PPA1: variants seen among roughly 807,000 people sequenced by gnomAD.
PPA1 encodes the protein inorganic pyrophosphatase 1, also known as inorganic pyrophosphatase.
Under a neutral mutation model 41.8 loss-of-function variants are expected in PPA1, and 23 were observed. That is an observed-to-expected ratio of 0.55 (90% CI 0.40 to 0.78). The LOEUF (loss-of-function observed/expected upper bound fraction) is 0.78. Ranked by LOEUF, PPA1 falls within the 30% of genes least tolerant of loss-of-function variation. The pLI, the probability that PPA1 is intolerant of heterozygous loss-of-function variation, is 0.00. For missense variants in PPA1, 320 were observed against 361.6 expected (o/e 0.89, Z 0.93); for synonymous variants, 101 against 116.8 (o/e 0.86, Z 0.87).
intron 10 of PPA1, 140 bp downstream of exon 10, chr10:70,204,733 A>G (rs1564579632): frequency 1.6e-6 from 1 of 624,826 alleles, no homozygotes; most frequent in Non-Finnish European, 2.6e-6. Flanking sequence ...TAATCATTCC[A>G]CATTGTAAAC....
At chr10:70,227,650 CAAAAAAA>C (rs11382289) in intron 2 of PPA1, among the ~76,000 whole-genome samples, 1 of 75,138 alleles carries the variant, frequency 1.3e-5, no homozygotes, top group Non-Finnish European at 2.4e-5. Flanking sequence ...AACCCTATCT[CAAAAAAA>C]AAAAAAAAAA....
chr10:70,218,389 T>C, intron 3 of PPA1: 1 of 195,784 alleles, frequency 5.1e-6, no homozygotes. Context: ...AAAAAGGCAA[T>C]GATGGTAGGT....
chr10:70,205,071 T>A lies in PPA1; in HGVS notation c.796-156A>T, dbSNP rs557707468. On this transcript the variant is annotated intron_variant, in intron 9 of 10. Transcript: ENST00000373232. ...TATAGGAACAATAGAAGGTTTGCTCTACTGCTGAGATGCTAACAAATTCAA... is the reference window on the plus strand; with the variant it reads ...TATAGGAACAATAGAAGGTTTGCTCAACTGCTGAGATGCTAACAAATTCAA... The A allele has an allele frequency of 3.6e-5, 21 of 585,418 alleles. No homozygotes were observed. In the East Asian group the frequency reaches 6.3e-4, roughly 17 times the overall value. 36.3% of individuals were successfully genotyped at this position (585,418 alleles called of 1,614,324 possible).
At chr10:70,211,458 A>G (rs1422637364) in intron 6 of PPA1, among the ~76,000 whole-genome samples, 1 of 152,166 alleles carries the variant, frequency 6.6e-6, no homozygotes, top group Admixed American at 6.5e-5. Context: ...AGGGGTTTCT[A>G]CAATCCTCTC....
Position 70,214,583 on chromosome 10 carries a change from A to C in PPA1, c.301T>G (p.Trp101Gly). 2 of 1,611,224 alleles carry C rather than the reference A, an allele frequency of 1.2e-6. No homozygotes were observed. Among genetic ancestry groups the C allele is most frequent in the Non-Finnish European group, 1.7e-6 (2 of 1,177,484 alleles). The stretch of plus-strand genomic sequence containing the variant: ...TTATCATTGTGCCCTGGGTCTTCCC[A>C]AGTCTAAAAATATAAGACAGTGTAT... ...IWNYGAIPQT[W>G]EDPGHNDKHT... Residue 101 changes from tryptophan to glycine, a missense_variant, in exon 5 of 11, where the codon TGG becomes GGG. Trp to Gly is a radical substitution (Grantham distance 184, BLOSUM62 -2). Coordinates refer to ENST00000373232, the MANE Select transcript of PPA1 (RefSeq NM_021129.4).
chr10:70,214,555 T>C lies in PPA1; in HGVS notation c.329A>G (p.His110Arg), dbSNP rs1387806209. Residue 110 changes from histidine (H) to arginine (R), a missense_variant, in exon 5 of 11, where the codon CAT (histidine) becomes CGT (arginine). Coordinates refer to ENST00000373232, the MANE Select transcript of PPA1 (RefSeq NM_021129.4). ...TWEDPGHNDK[H>R]TGCCGDNDPI... ...GTCATTGTCACCACAACAGCCAGTA[T>C]GTTTATCATTGTGCCCTGGGTCTTC... 3.1e-6 allele frequency: 5 copies of C among 1,613,686 alleles called. No homozygotes were observed. The highest frequency in any genetic ancestry group is 1.3e-5 in the African/African-American group (1 of 74,926).
At chr10:70,206,873 AGG>A (rs1430032822) in intron 8 of PPA1, among the ~76,000 whole-genome samples, 26 of 7,862 alleles carry the variant, frequency 3.3e-3, no homozygotes, top group East Asian at 0.015. Context: ...AGAGGAGGGG[AGG>A]GGAGGGGAGG....
At chr10:70,213,628 A>T in intron 5 of PPA1, 39 bp from the exon 6 acceptor site, 1 of 1,604,252 alleles carries the variant, frequency 6.2e-7, no homozygotes, top group South Asian at 1.1e-5. Context: ...ACATTACAGA[A>T]CCACACTCTA....
intron 4 of PPA1, among the ~76,000 whole-genome samples, chr10:70,215,260 TTTTC>T (rs369388839): frequency 8.5e-4 from 129 of 152,212 alleles, no homozygotes; most frequent in African/African-American, 2.0e-3. Flanking sequence ...GTTTTTTTCT[TTTTC>T]TTTTTTGTAG....
rs77729015 is a variant in PPA1, at chr10:70,206,865, AGGAGGGGAGGGGAGG to A, written c.726-547_726-533del. Among the ~76,000 whole-genome samples the A allele has an allele frequency of 8.1e-4, 7 of 8,642 alleles. No homozygotes were observed. In the East Asian group the frequency reaches 0.021, roughly 26 times the overall value. The allele number at this position is 8,642 out of a possible 152,430, so 5.7% of individuals were successfully genotyped here. ...TGCAATAAGGAGGAGAGGAGAGGAGAGGAGGGGAGGGGAGGGGAGGGGAGGGGAGGGGAGGAGAGG... is the reference window on the plus strand; with the variant it reads ...TGCAATAAGGAGGAGAGGAGAGGAGAGGAGGGGAGGGGAGGGGAGGAGAGG... On this transcript the variant is annotated intron_variant, in intron 8 of 10. Transcript: ENST00000373232.
intron 4 of PPA1, among the ~76,000 whole-genome samples, chr10:70,216,566 A>G (rs1840084493): frequency 6.6e-6 from 1 of 152,196 alleles, no homozygotes; most frequent in African/African-American, 2.4e-5. Flanking sequence ...GTGCTTACCT[A>G]ACAAGCTAGA....
chr10:70,217,699 A>T (rs1182919569), intron 4 of PPA1, 113 bp downstream of exon 4: 2 of 938,628 alleles, frequency 2.1e-6, no homozygotes, highest in Non-Finnish European at 2.9e-6. Flanking sequence ...ATGTTTTCAA[A>T]ATCTACCATA....
Position 70,233,416 on chromosome 10 carries a change from A to G in PPA1, c.-89T>C. The stretch of plus-strand genomic sequence containing the variant: ...CAAGGAGAGAGCCCCACGCCTGCGC[A>G]CTGCGAGCACTGGACCGGCGGGCGG... On this transcript the variant is annotated 5_prime_UTR_variant, in exon 1 of 11. Coordinates refer to ENST00000373232, the MANE Select transcript of PPA1 (RefSeq NM_021129.4). 1 of 1,474,308 alleles carries G rather than the reference A, an allele frequency of 6.8e-7. No individual in the cohort carries two copies. Among genetic ancestry groups the G allele is most frequent in the Non-Finnish European group, 8.9e-7 (1 of 1,117,738 alleles). 91.3% of individuals were successfully genotyped at this position (1,474,308 alleles called of 1,614,324 possible).
At chr10:70,209,849 A>C in intron 6 of PPA1, 164 bp from the exon 7 acceptor site, 2 of 804,776 alleles carry the variant, frequency 2.5e-6, no homozygotes, top group Non-Finnish European at 3.9e-6. Flanking sequence ...AGTTCAAGAT[A>C]ACATTGGAGC....
intron 5 of PPA1, 40 bp downstream of exon 5, chr10:70,214,460 A>G (rs1237503585): frequency 1.3e-6 from 2 of 1,512,184 alleles, no homozygotes; most frequent in South Asian, 1.2e-5. Context: ...TACTTCATTA[A>G]TATCTCAACA....
At chr10:70,220,254 T>C (rs1840123052) in intron 2 of PPA1, among the ~76,000 whole-genome samples, 8 of 52,786 alleles carry the variant, frequency 1.5e-4, no homozygotes, top group Admixed American at 3.2e-4. Context: ...TAAAAAGTAC[T>C]TTTTTTTTTT....
At chr10:70,232,044 T>C (rs963300024) in intron 1 of PPA1, among the ~76,000 whole-genome samples, 1 of 152,228 alleles carries the variant, frequency 6.6e-6, no homozygotes, top group Non-Finnish European at 1.5e-5. Context: ...TGGACTGTCC[T>C]TGCTGCTTAA....
intron 5 of PPA1, among the ~76,000 whole-genome samples, chr10:70,214,215 A>C (rs1009327398): frequency 3.3e-5 from 5 of 152,098 alleles, no homozygotes; most frequent in African/African-American, 1.2e-4. Context: ...GGTACCTTTC[A>C]CCTATTGACT....
chr10:70,230,640 G>T (rs574702602), intron 1 of PPA1, among the ~76,000 whole-genome samples: 1 of 152,020 alleles, frequency 6.6e-6, no homozygotes. Flanking sequence ...GCTAATTTTT[G>T]TGTCTTTTGT....
Sources: allele counts gnomAD v4.1 joint callset (sites outside exome capture counted in the v4.1 genomes callset), GRCh38; gene constraint gnomAD v4.1.1; transcripts MANE v1.5; gene names NCBI Gene and HGNC (gene_info 2026-07-23, HGNC 2026-07-21).